The following FLNC variants were observed in gnomAD, a reference collection of about 807,000 sequenced individuals.
The protein encoded by FLNC is filamin-C.
In FLNC, 91 loss-of-function variants were observed where a neutral mutation model predicts 254.3. The ratio of observed to expected loss-of-function variants is 0.36; its 90% CI spans 0.30 to 0.43. The LOEUF (loss-of-function observed/expected upper bound fraction) is 0.43, where lower values mean the gene tolerates loss of function less well. Ranked by LOEUF, FLNC falls within the 20% of genes least tolerant of loss-of-function variation. The pLI is 1.00. For missense variants in FLNC, 2,853 were observed against 3,802.6 expected, an observed-to-expected ratio of 0.75 and a Z score of 6.57; for synonymous variants, 1,430 against 1,577.2, an observed-to-expected ratio of 0.91 and a Z score of 2.21.
intron 40 of FLNC, 83 bp downstream of exon 40, chr7:128,854,299 GC>G: frequency 1.2e-6 from 2 of 1,603,934 alleles, no homozygotes. Context: ...TGGCAGACTG[GC>G]CCCGAAGGCC....
rs1362841989 is a variant in FLNC, at chr7:128,854,137, C to A, written c.6648C>A (p.Asp2216Glu). 1 of 1,612,676 alleles carries A rather than the reference C, an allele frequency of 6.2e-7. No individual in the cohort carries two copies. The highest frequency in any genetic ancestry group is 1.7e-5 in the Admixed American group (1 of 59,998). The change falls in exon 40 of 48, where the codon GAC becomes GAA. Residue 2216 changes from aspartate to glutamate, a missense_variant. This residue lies in a region of FLNC where 551 missense variants were observed against 835.0 expected (regional missense o/e 0.66). Coordinates refer to ENST00000325888, the MANE Select transcript of FLNC (RefSeq NM_001458.5). ...AGGAGTCCACCCAGGTCGGCGGGGA[C>A]CCCTTCCCTGCTGTGTTTGGGGACT... ...RVEESTQVGG[D>E]PFPAVFGDFL...
chr7:128,844,416 G>A (rs1030519386), intron 20 of FLNC, 150 bp downstream of exon 20: 6 of 1,055,176 alleles, frequency 5.7e-6, no homozygotes, highest in Non-Finnish European at 8.0e-6. Flanking sequence ...CCCACCACCT[G>A]CCTTGGAGAC....
In FLNC at chr7:128,845,961, C is replaced by A; in HGVS notation, c.3791-29C>A. 4 of 1,611,832 alleles carry A rather than the reference C, an allele frequency of 2.5e-6. No homozygotes were observed. The South Asian group carries it at 4.4e-5, about 18-fold the overall frequency. On this transcript the variant is annotated intron_variant, in intron 21 of 47. Transcript: ENST00000325888. ...ATCTGTGTGAAGGCTGCCCCCACCC[C>A]TGCTGAACACGCCACCCCTGGGCTC...
rs761354079 is a variant in FLNC, at chr7:128,835,396, C to T, written c.423C>T (p.Tyr141=). The change falls in exon 2 of 48, where the codon TAC becomes TAT. Residue 141 remains tyrosine, a synonymous_variant. Coordinates refer to ENST00000325888, the MANE Select transcript of FLNC (RefSeq NM_001458.5). This position sits in a 1 kb window ranked among gnomAD's most constrained non-coding sequence, Gnocchi z 5.3. ...TGATCTGGACGCTGATCCTGCACTA[C>T]TCCATCTCCATGCCCATGTGGGAGG... ...LGLIWTLILH[Y]SISMPMWEDE... is the part of the protein sequence containing the mutation. 16 of 1,614,026 alleles carry T rather than the reference C, an allele frequency of 9.9e-6. No individual in the cohort carries two copies. The highest frequency in any genetic ancestry group is 1.3e-5 in the Non-Finnish European group (15 of 1,180,046).
intron 37 of FLNC, 107 bp from the exon 38 acceptor site, chr7:128,853,362 C>A: frequency 7.1e-7 from 1 of 1,416,942 alleles, no homozygotes; most frequent in South Asian, 1.2e-5. Flanking sequence ...GTGGTCACTA[C>A]ACACATCGGT....
Position 128,846,909 on chromosome 7 carries a change from T to C in FLNC, c.4288+4T>C. On this transcript the variant is annotated splice_donor_region_variant and intron_variant, in intron 24 of 47. Transcript: ENST00000325888. ...TTCGGGGGGCGGCCCATCCCAGGTG[T>C]GCAGAGAGAGTGGTCGGGGTCTCAG... 1 of 1,614,090 alleles carries C rather than the reference T, an allele frequency of 6.2e-7. No homozygotes were observed. The highest frequency in any genetic ancestry group is 8.5e-7 in the Non-Finnish European group (1 of 1,180,004).
Position 128,842,720 on chromosome 7 carries a change from G to C in FLNC, c.2389+22G>C, listed in dbSNP as rs746238940. ...CAAGGTGCGCCCAGCCGGAAGGGGT[G>C]GGTCTGGGAGGGGGCGGGGGTGAGT... On this transcript the variant is annotated intron_variant, in intron 15 of 47. Coordinates refer to ENST00000325888, the MANE Select transcript of FLNC (RefSeq NM_001458.5). This position sits in a 1 kb window ranked among gnomAD's most constrained non-coding sequence, Gnocchi z 5.4. 1.3e-6 allele frequency: 2 copies of C among 1,570,036 alleles called. No homozygotes were observed. The highest frequency in any genetic ancestry group is 1.3e-5 in the African/African-American group (1 of 74,422).
intron 42 of FLNC, 47 bp from the exon 43 acceptor site, chr7:128,855,152 T>A: frequency 7.2e-7 from 1 of 1,397,278 alleles, no homozygotes; most frequent in Non-Finnish European, 1.0e-6. Flanking sequence ...GCTCCCGCCC[T>A]GCCAACCTCC....
Position 128,848,567 on chromosome 7 carries a change from C to A in FLNC, c.4587C>A (p.Phe1529Leu). ...ATCCCTTCTGCTCCTCAAGCCCCTT[C>A]AAGATCAAGGTCCTCCCAGCTCATG... is the stretch of plus-strand genomic sequence containing the variant. ...YADQEVPRSP[F>L]KIKVLPAHDA... The change falls in exon 27 of 48, where the codon TTC becomes TTA. Residue 1529 changes from phenylalanine to leucine, a missense_variant. Phe to Leu is a conservative substitution (Grantham distance 22). Around this residue, in one of 10 missense-constraint regions of FLNC, gnomAD observed 1,573 missense variants for 1,883.5 expected, o/e 0.84. Transcript: ENST00000325888. 1 of 1,613,978 alleles carries A rather than the reference C, an allele frequency of 6.2e-7. No individual in the cohort carries two copies. Among genetic ancestry groups the A allele is most frequent in the East Asian group, 2.2e-5 (1 of 44,888 alleles).
At position 128,850,464 on chromosome 7, in the gene FLNC, G is replaced by A. The variant is rs558457664; in HGVS notation, c.5379G>A (p.Val1793=). 8 of 1,613,394 alleles carry A rather than the reference G, an allele frequency of 5.0e-6. No homozygotes were observed. The highest frequency in any genetic ancestry group is 4.5e-5 in the East Asian group (2 of 44,882). ...RPFNLVIPFA[V]QKGELTGEVR... is the part of the protein sequence containing the mutation. ...TCAACCTGGTCATCCCCTTCGCGGT[G>A]CAGAAAGGGGAGCTCACAGGTACTG... is the stretch of plus-strand genomic sequence containing the variant. The change falls in exon 32 of 48, where the codon GTG becomes GTA. Residue 1793 remains valine (V), a synonymous_variant. Transcript: ENST00000325888.
intron 30 of FLNC, among the ~76,000 whole-genome samples, 178 bp downstream of exon 30, chr7:128,849,756 G>A (rs534692666): frequency 8.5e-5 from 13 of 152,310 alleles, no homozygotes; most frequent in African/African-American, 2.6e-4. Context: ...GAAGTGGGAG[G>A]AGAGCATGGC....
intron 9 of FLNC, 95 bp from the exon 10 acceptor site, chr7:128,840,453 G>T: frequency 6.4e-7 from 1 of 1,570,088 alleles, no homozygotes; most frequent in Non-Finnish European, 8.7e-7. Context: ...CCTCGGGCTG[G>T]GTCGGGGTCC....
Position 128,845,170 on chromosome 7 carries a change from G to A in FLNC, c.3705G>A (p.Val1235=). The A allele has an allele frequency of 1.2e-6, 2 of 1,613,930 alleles. No homozygotes were observed. Among genetic ancestry groups the A allele is most frequent in the Non-Finnish European group, 1.7e-6 (2 of 1,180,056 alleles). Residue 1235 remains valine (V), a synonymous_variant, in exon 21 of 48, where the codon GTG becomes GTA. Transcript: ENST00000325888. ...CCATCAAGTATGGCGGGCATCCCGT[G>A]CCCAAATTCCCCACCCGTGTCCATG... The part of the protein sequence containing the change: ...TITIKYGGHP[V]PKFPTRVHVQ...
rs778583828 is a variant in FLNC, at chr7:128,838,175, C to T, written c.1048-92C>T. The stretch of plus-strand genomic sequence containing the variant: ...GCGCCTGCCCAGAGCCCCAGCTGCC[C>T]GCCTCTCACCCTCCTTGGCCTGGCT... On this transcript the variant is annotated intron_variant, in intron 6 of 47. Transcript: ENST00000325888. 5.5e-5 allele frequency: 83 copies of T among 1,499,290 alleles called. No individual in the cohort carries two copies. In the Admixed American group the frequency reaches 1.1e-3, roughly 20 times the overall value. The allele number at this position is 1,499,290 out of a possible 1,614,324, so 92.9% of individuals were successfully genotyped here. A position where few individuals can be genotyped will look rare whatever the true frequency, so the allele number is the denominator to read the frequency against.
chr7:128,831,340 A>G (rs1807884410), intron 1 of FLNC, among the ~76,000 whole-genome samples: 2 of 152,208 alleles, frequency 1.3e-5, no homozygotes, highest in African/African-American at 2.4e-5. Flanking sequence ...TCGGGAGGAC[A>G]GAACCAGTGC....
rs1030246248 is a variant in FLNC at position 128,833,624 on chromosome 7, C to A, written c.353-1702C>A. Among the ~76,000 whole-genome samples the A allele has an allele frequency of 1.5e-4, 23 of 152,332 alleles. 2 individuals carry two copies. The highest frequency in any genetic ancestry group is 5.1e-4 in the African/African-American group (21 of 41,570). ...ACCCTCCCCATATACACACCGCCCC[C>A]CCCAACCCCTGCAGCCTCAAGGCTT... On this transcript the variant is annotated intron_variant, in intron 1 of 47. Transcript: ENST00000325888.
At chr7:128,832,903 C>T (rs1477947194) in intron 1 of FLNC, among the ~76,000 whole-genome samples, 6 of 152,340 alleles carry the variant, frequency 3.9e-5, no homozygotes, top group Middle Eastern at 3.4e-3. Flanking sequence ...CTTCTGCTAG[C>T]TCCCCTACTC....
Position 128,849,591 on chromosome 7 carries a change from G to T in FLNC, c.5199+13G>T. 1 of 1,613,224 alleles carries T rather than the reference G, an allele frequency of 6.2e-7. No homozygotes were observed. On this transcript the variant is annotated intron_variant, in intron 30 of 47. Transcript: ENST00000325888. ...CTTCCACGTGCTGGTAAGTTCTGTAGCCACAGCAAGACTAGATGGCTGGGG... is the reference window on the plus strand; with the variant it reads ...CTTCCACGTGCTGGTAAGTTCTGTATCCACAGCAAGACTAGATGGCTGGGG...
At position 128,842,544 on chromosome 7, in the gene FLNC, G is replaced by T. The variant is rs751441761; in HGVS notation, c.2266-31G>T. 1.9e-6 allele frequency: 3 copies of T among 1,548,402 alleles called. No individual in the cohort carries two copies. The highest frequency in any genetic ancestry group is 3.9e-5 in the Admixed American group (2 of 51,010). Reference sequence around the variant, plus strand: ...GCAGGAGGATGAGCCTTGAGGGAGGGCACCACGCTGAGCTGCGACCCCTCC... The same window carrying T: ...GCAGGAGGATGAGCCTTGAGGGAGGTCACCACGCTGAGCTGCGACCCCTCC... On this transcript the variant is annotated intron_variant, in intron 14 of 47. Transcript: ENST00000325888. The surrounding 1 kb of genome is among the most constrained non-coding windows in gnomAD (Gnocchi z 5.4).
Sources: allele counts gnomAD v4.1 joint callset (sites outside exome capture counted in the v4.1 genomes callset), GRCh38; gene constraint gnomAD v4.1.1; regional missense constraint gnomAD v4.1.1; non-coding constraint Gnocchi (gnomAD v3.1); transcripts MANE v1.5; gene names NCBI Gene and HGNC (gene_info 2026-07-23, HGNC 2026-07-21).